Variants in MAF observed in about 807,000 individuals in gnomAD.
MAF encodes the protein MAF bZIP transcription factor.
In MAF, 10 loss-of-function variants were observed where a neutral mutation model predicts 22.0. The ratio of observed to expected loss-of-function variants is 0.45; its 90% CI spans 0.28 to 0.77. The LOEUF is 0.77. MAF is among the 30% of genes least tolerant of loss of function. The pLI, the probability that MAF is intolerant of heterozygous loss-of-function variation, is 0.12. For synonymous variants in MAF, 337 were observed against 255.8 expected (o/e 1.32, Z -3.03); for missense variants, 544 against 548.4 (o/e 0.99, Z 0.08).
At chr16:79,570,279 C>G in the MAF span, among the ~76,000 whole-genome samples, 1 of 152,128 alleles carries the variant, frequency 6.6e-6, no homozygotes, top group African/African-American at 2.4e-5. Context: ...CCAGCCCTGG[C>G]CTTCCAAAAT....
chr16:79,266,776 A>T, the MAF span, among the ~76,000 whole-genome samples: 2 of 152,310 alleles, frequency 1.3e-5, no homozygotes, highest in East Asian at 3.9e-4. Flanking sequence ...GAGACACAGG[A>T]TACTGGGCTT....
chr16:79,433,555 T>A, the MAF span, among the ~76,000 whole-genome samples: 1 of 151,872 alleles, frequency 6.6e-6, no homozygotes, highest in Non-Finnish European at 1.5e-5. Context: ...CTGAAAATAA[T>A]GGACAGAAGA....
the MAF span, among the ~76,000 whole-genome samples, chr16:79,207,306 A>G: frequency 2.0e-5 from 3 of 152,262 alleles, no homozygotes; most frequent in South Asian, 4.1e-4. Flanking sequence ...TAACAATGGA[A>G]GTAGGCAGGG....
the MAF span, among the ~76,000 whole-genome samples, chr16:79,265,515 C>A: frequency 6.6e-6 from 1 of 152,074 alleles, no homozygotes. Context: ...GACCCGATAC[C>A]ACAGATAGTT....
At chr16:79,261,406 G>A in the MAF span, among the ~76,000 whole-genome samples, 1 of 152,142 alleles carries the variant, frequency 6.6e-6, no homozygotes, top group African/African-American at 2.4e-5. Context: ...ACCCGCCTCG[G>A]CCTCCCAAAG....
chr16:79,477,803 C>A, the MAF span, among the ~76,000 whole-genome samples: 1 of 152,096 alleles, frequency 6.6e-6, no homozygotes, highest in Non-Finnish European at 1.5e-5. Flanking sequence ...TGGCTCACCA[C>A]AACCTCCGCC....
the MAF span, among the ~76,000 whole-genome samples, chr16:79,519,624 G>C: frequency 1.2e-3 from 184 of 152,294 alleles, no homozygotes; most frequent in Middle Eastern, 0.014. Context: ...AGACCAGAAG[G>C]GACTGTAGCC....
the MAF span, among the ~76,000 whole-genome samples, chr16:79,254,356 G>A: frequency 3.1e-3 from 474 of 151,934 alleles, 6 homozygotes; most frequent in Admixed American, 0.023. Flanking sequence ...TCTCCTAGTG[G>A]GCATCTCTCT....
chr16:79,221,637 ATCT>A, the MAF span, among the ~76,000 whole-genome samples: 2 of 152,228 alleles, frequency 1.3e-5, no homozygotes, highest in Non-Finnish European at 2.9e-5. Flanking sequence ...AAACAAGGCA[ATCT>A]TCATCATCTG....
downstream of MAF, among the ~76,000 whole-genome samples, chr16:79,583,308 C>T (rs1912638762): frequency 6.6e-6 from 1 of 152,160 alleles, no homozygotes; most frequent in South Asian, 2.1e-4. Context: ...TTCATGTCAT[C>T]GGATTAGGTG....
the MAF span, among the ~76,000 whole-genome samples, chr16:79,486,115 C>T: frequency 3.3e-5 from 5 of 152,150 alleles, no homozygotes; most frequent in African/African-American, 9.7e-5. Flanking sequence ...CAATAACTAT[C>T]GCTTCCATGC....
At chr16:79,217,988 A>T in the MAF span, among the ~76,000 whole-genome samples, 1 of 9,474 alleles carries the variant, frequency 1.1e-4, no homozygotes, top group Non-Finnish European at 3.4e-4. Flanking sequence ...AGCTTATGTA[A>T]AAAAAAAAAA....
At chr16:79,288,593 A>C in the MAF span, among the ~76,000 whole-genome samples, 1 of 152,230 alleles carries the variant, frequency 6.6e-6, no homozygotes, top group Non-Finnish European at 1.5e-5. Flanking sequence ...ATTTTAAACC[A>C]TTAAGTTTTG....
chr16:79,400,151 T>C, the MAF span, among the ~76,000 whole-genome samples: 3 of 152,250 alleles, frequency 2.0e-5, no homozygotes, highest in South Asian at 4.1e-4. Flanking sequence ...ACACCAGCAA[T>C]GTGGTTAAAC....
chr16:79,406,889 C>T, the MAF span, among the ~76,000 whole-genome samples: 1 of 152,156 alleles, frequency 6.6e-6, no homozygotes. Context: ...ATGAGACTTG[C>T]CCCACATCCC....
At chr16:79,331,244 T>C in the MAF span, among the ~76,000 whole-genome samples, 64 of 152,250 alleles carry the variant, frequency 4.2e-4, no homozygotes, top group African/African-American at 1.5e-3. Context: ...AACTAGACCT[T>C]GGAGTGTGTG....
the MAF span, among the ~76,000 whole-genome samples, chr16:79,452,449 C>G: frequency 6.6e-6 from 1 of 152,122 alleles, no homozygotes; most frequent in Non-Finnish European, 1.5e-5. Flanking sequence ...GAAATTAAGA[C>G]AATTTATAAC....
At chr16:79,285,387 T>G in the MAF span, among the ~76,000 whole-genome samples, 3 of 151,602 alleles carry the variant, frequency 2.0e-5, no homozygotes, top group South Asian at 6.2e-4. Flanking sequence ...GCTTCCTTCT[T>G]GATAGCTCCT....
At chr16:79,565,870 C>A in the MAF span, among the ~76,000 whole-genome samples, 27,278 of 152,120 alleles carry the variant, frequency 0.18, 2,643 homozygotes, top group Middle Eastern at 0.25. Context: ...AGTATTTTCT[C>A]CCACTTGATA....
Sources: gnomAD v4.1 joint callset for allele counts (sites outside exome capture counted in the v4.1 genomes callset) on GRCh38, gnomAD v4.1.1 for gene constraint, MANE v1.5 for transcripts, NCBI Gene and HGNC (gene_info 2026-07-23, HGNC 2026-07-21) for gene names.